Variants in NELL2 observed in about 807,000 individuals in gnomAD.
NELL2 encodes the protein neural EGFL like 2, also known as protein kinase C-binding protein NELL2.
A neutral mutation model predicts 109.6 loss-of-function variants in NELL2; 41 were observed. That is an observed-to-expected ratio of 0.37 (90% confidence interval 0.29 to 0.49). The LOEUF is 0.49. NELL2 is among the 20% of genes least tolerant of loss of function. NELL2 has a pLI of 0.98. For missense variants in NELL2, 900 were observed against 1,008.3 expected, an observed-to-expected ratio of 0.89 and a Z score of 1.45; for synonymous variants, 355 against 344.7, an observed-to-expected ratio of 1.03 and a Z score of -0.33.
chr12:44,555,889 TAGGCACC>T (rs1226957975), intron 15 of NELL2, among the ~76,000 whole-genome samples: 1 of 152,150 alleles, frequency 6.6e-6, no homozygotes, highest in African/African-American at 2.4e-5. Context: ...AGAGGATGTC[TAGGCACC>T]AGGCACCAGA....
At chr12:44,862,072 T>C (rs1358670973) in intron 2 of NELL2, among the ~76,000 whole-genome samples, 2 of 152,170 alleles carry the variant, frequency 1.3e-5, no homozygotes, top group African/African-American at 2.4e-5. Context: ...AAAACAATTG[T>C]TTTAATGAAG....
At chr12:44,848,692 C>T (rs1364704113) in intron 2 of NELL2, among the ~76,000 whole-genome samples, 1 of 152,224 alleles carries the variant, frequency 6.6e-6, no homozygotes, top group South Asian at 2.1e-4. Context: ...AGAGAAGGGG[C>T]AGGCTATTTG....
chr12:44,855,011 A>G (rs1018836314), intron 2 of NELL2, among the ~76,000 whole-genome samples: 4 of 152,216 alleles, frequency 2.6e-5, no homozygotes, highest in Non-Finnish European at 5.9e-5. Flanking sequence ...TTTGAATAAT[A>G]TATTTCTTTA....
intron 11 of NELL2, among the ~76,000 whole-genome samples, chr12:44,708,102 T>A (rs958526735): frequency 1.7e-4 from 26 of 152,158 alleles, no homozygotes; most frequent in African/African-American, 5.8e-4. Context: ...ATAAAGGTTA[T>A]CCACATTATT....
At chr12:44,783,657 T>C (rs1942049687) in intron 3 of NELL2, among the ~76,000 whole-genome samples, 1 of 152,010 alleles carries the variant, frequency 6.6e-6, no homozygotes, top group Admixed American at 6.6e-5. Flanking sequence ...TATACTTCTA[T>C]AATTTTTAAG....
chr12:44,664,654 ATAGGTGACAAGAATAACATTTT>A (rs1947862139), intron 13 of NELL2, among the ~76,000 whole-genome samples: 1 of 152,122 alleles, frequency 6.6e-6, no homozygotes, highest in East Asian at 1.9e-4. Context: ...AGCTAGAGAA[ATAGGTGACAAGAATAACATTTT>A]TGGGTGCTCT....
At chr12:44,868,486 C>T (rs1428099119) in intron 2 of NELL2, among the ~76,000 whole-genome samples, 1 of 152,076 alleles carries the variant, frequency 6.6e-6, no homozygotes, top group African/African-American at 2.4e-5. Context: ...AATAATGCTG[C>T]AAAGAACATA....
At chr12:44,533,119 C>T (rs556717219) in intron 15 of NELL2, among the ~76,000 whole-genome samples, 1 of 152,256 alleles carries the variant, frequency 6.6e-6, no homozygotes, top group Admixed American at 6.5e-5. Flanking sequence ...TAAGTGTCAC[C>T]TCTATGCAGA....
chr12:44,872,254 A>G (rs1490081081), intron 2 of NELL2, among the ~76,000 whole-genome samples: 1 of 152,080 alleles, frequency 6.6e-6, no homozygotes, highest in African/African-American at 2.4e-5. Flanking sequence ...GCTAGAAATG[A>G]CTAGAAAATT....
chr12:44,778,876 T>C (rs933406868), intron 5 of NELL2, among the ~76,000 whole-genome samples: 1 of 152,224 alleles, frequency 6.6e-6, no homozygotes, highest in East Asian at 1.9e-4. Context: ...AACACCTTTA[T>C]AGAATTATAA....
chr12:44,593,607 T>C (rs1944842222), intron 15 of NELL2, among the ~76,000 whole-genome samples: 1 of 152,218 alleles, frequency 6.6e-6, no homozygotes. Flanking sequence ...CCTTTGGGTA[T>C]ATACCCAGTA....
At chr12:44,736,187 T>A (rs1330466122) in intron 9 of NELL2, among the ~76,000 whole-genome samples, 2 of 151,878 alleles carry the variant, frequency 1.3e-5, no homozygotes, top group African/African-American at 4.8e-5. Flanking sequence ...ATTTTTGTAT[T>A]TTTAGTAGAG....
chr12:44,696,686 A>T (rs1428966012), intron 12 of NELL2, among the ~76,000 whole-genome samples: 1 of 152,212 alleles, frequency 6.6e-6, no homozygotes, highest in African/African-American at 2.4e-5. Flanking sequence ...ATATAAACAC[A>T]ACTCAATAAA....
intron 1 of NELL2, among the ~76,000 whole-genome samples, chr12:44,901,549 T>G (rs143907530): frequency 0.035 from 5,299 of 152,298 alleles, 203 homozygotes; most frequent in African/African-American, 0.085. Flanking sequence ...ACTCATTTTA[T>G]GAGGCCAGCC....
intron 9 of NELL2, among the ~76,000 whole-genome samples, chr12:44,742,183 G>C (rs1216673879): frequency 1.3e-5 from 2 of 152,102 alleles, no homozygotes; most frequent in Non-Finnish European, 2.9e-5. Flanking sequence ...CACTGCTGCT[G>C]ATACCCAGGC....
chr12:44,910,184 A>G (rs1423413844), intron 1 of NELL2, among the ~76,000 whole-genome samples: 2 of 152,024 alleles, frequency 1.3e-5, no homozygotes, highest in African/African-American at 2.4e-5. Context: ...AACAGAGTAA[A>G]CAACCTATAG....
intron 1 of NELL2, among the ~76,000 whole-genome samples, chr12:44,892,221 T>C (rs960573088): frequency 2.0e-5 from 3 of 152,240 alleles, no homozygotes; most frequent in Non-Finnish European, 4.4e-5. Context: ...AACAGTTTAC[T>C]GGGATGACTT....
intron 13 of NELL2, among the ~76,000 whole-genome samples, chr12:44,624,878 G>A (rs1272751691): frequency 1.3e-5 from 2 of 151,488 alleles, no homozygotes; most frequent in East Asian, 1.9e-4. Context: ...AAAGTGAGAC[G>A]TGACCATTAT....
intron 15 of NELL2, among the ~76,000 whole-genome samples, chr12:44,604,796 G>C (rs1159198874): frequency 6.6e-6 from 1 of 152,102 alleles, no homozygotes; most frequent in African/African-American, 2.4e-5. Context: ...CTTCAGTCTG[G>C]AGTGATATGA....
Sources: gnomAD v4.1 joint callset for allele counts (sites outside exome capture counted in the v4.1 genomes callset) on GRCh38, gnomAD v4.1.1 for gene constraint, MANE v1.5 for transcripts, NCBI Gene and HGNC (gene_info 2026-07-23, HGNC 2026-07-21) for gene names.